Variants in PTPRT observed in about 807,000 individuals in gnomAD.
PTPRT encodes the protein protein tyrosine phosphatase receptor type T.
A neutral mutation model predicts 176.8 loss-of-function variants in PTPRT; 56 were observed. The observed-to-expected ratio is 0.32, with a 90% CI of 0.26 to 0.40. The LOEUF (loss-of-function observed/expected upper bound fraction) is 0.40, where lower values mean the gene tolerates loss of function less well. PTPRT is among the 10% of genes least tolerant of loss of function. The pLI, the probability that PTPRT is intolerant of heterozygous loss-of-function variation, is 1.00. For missense variants in PTPRT, 1,540 were observed against 1,908.2 expected (o/e 0.81, Z 3.60); for synonymous variants, 783 against 739.0 (o/e 1.06, Z -0.96).
chr20:42,728,317 C>T (rs1400441045), intron 6 of PTPRT, among the ~76,000 whole-genome samples: 1 of 152,176 alleles, frequency 6.6e-6, no homozygotes, highest in Non-Finnish European at 1.5e-5. Context: ...GGAGAATTTA[C>T]ATTTCTGATA....
chr20:42,160,417 A>T (rs1989539890), intron 17 of PTPRT, among the ~76,000 whole-genome samples: 1 of 152,092 alleles, frequency 6.6e-6, no homozygotes, highest in African/African-American at 2.4e-5. Flanking sequence ...TTTGTTTGTA[A>T]AACGTGAGGC....
chr20:42,697,487 G>T (rs4812631), intron 6 of PTPRT, among the ~76,000 whole-genome samples: 1 of 151,960 alleles, frequency 6.6e-6, no homozygotes, highest in African/African-American at 2.4e-5. Flanking sequence ...GAAGATAACC[G>T]GTAAGGAAAT....
At chr20:42,817,423 G>A (rs1007848607) in intron 2 of PTPRT, among the ~76,000 whole-genome samples, 1 of 144,128 alleles carries the variant, frequency 6.9e-6, no homozygotes, top group Non-Finnish European at 1.5e-5. Flanking sequence ...TAAAACTATA[G>A]AACAATCTCA....
intron 12 of PTPRT, among the ~76,000 whole-genome samples, chr20:42,292,109 C>T (rs963308374): frequency 6.6e-6 from 1 of 152,052 alleles, no homozygotes; most frequent in African/African-American, 2.4e-5. Flanking sequence ...AGAGCTCCCT[C>T]CCACCATCCC....
chr20:42,992,598 A>G (rs1341851724), intron 1 of PTPRT, among the ~76,000 whole-genome samples: 3 of 152,258 alleles, frequency 2.0e-5, no homozygotes, highest in African/African-American at 7.2e-5. Context: ...AAGATAGCTG[A>G]GCCAAAAAAG....
At chr20:42,306,385 G>A (rs117362519) in intron 12 of PTPRT, among the ~76,000 whole-genome samples, 1 of 152,318 alleles carries the variant, frequency 6.6e-6, no homozygotes, top group East Asian at 1.9e-4. Context: ...GGAGTCCACT[G>A]AGGACTGGGA....
intron 9 of PTPRT, among the ~76,000 whole-genome samples, chr20:42,437,679 A>G (rs1248066811): frequency 1.3e-5 from 2 of 152,174 alleles, no homozygotes; most frequent in Non-Finnish European, 2.9e-5. Flanking sequence ...AAAAGCAGTC[A>G]AAAGAAAAAA....
the PTPRT span, among the ~76,000 whole-genome samples, chr20:42,058,498 C>T: frequency 2.6e-5 from 4 of 152,194 alleles, no homozygotes; most frequent in Non-Finnish European, 5.9e-5. Flanking sequence ...CTCCAAGCCC[C>T]TCACCGGCTC....
At chr20:42,925,610 C>T (rs576097266) in intron 1 of PTPRT, among the ~76,000 whole-genome samples, 1 of 152,270 alleles carries the variant, frequency 6.6e-6, no homozygotes, top group East Asian at 1.9e-4. Context: ...TCCCATATTT[C>T]GGGTGTCATT....
intron 17 of PTPRT, among the ~76,000 whole-genome samples, chr20:42,150,845 C>T (rs1022943122): frequency 1.3e-5 from 2 of 152,000 alleles, no homozygotes; most frequent in African/African-American, 2.4e-5. Context: ...GGTGTTTAAA[C>T]GACTCTATTT....
rs189380213 is a variant in PTPRT at position 43,137,791 on chromosome 20, C to T, written c.88+51855G>A. ...ACTCAGACACACACACGCGCGTACA[C>T]ACACACATGCACACGCAAGCTGAGT... On this transcript the variant is annotated intron_variant, in intron 1 of 30. Coordinates refer to ENST00000373187, the MANE Select transcript of PTPRT (RefSeq NM_007050.6). 2.0e-5 allele frequency among the ~76,000 whole-genome samples: 3 copies of T among 152,330 alleles called. No homozygotes were observed. In the East Asian group the frequency reaches 5.8e-4, roughly 29 times the overall value.
intron 7 of PTPRT, among the ~76,000 whole-genome samples, chr20:42,478,360 G>A (rs561854408): frequency 6.6e-6 from 1 of 152,210 alleles, no homozygotes; most frequent in South Asian, 2.1e-4. Flanking sequence ...TGTGGCCTCA[G>A]GAAGGCACGG....
chr20:42,396,095 C>A (rs545853682), intron 9 of PTPRT, among the ~76,000 whole-genome samples: 11 of 152,314 alleles, frequency 7.2e-5, no homozygotes, highest in African/African-American at 2.6e-4. Flanking sequence ...AGGAATCCAT[C>A]TGAAACTTAA....
At position 42,621,024 on chromosome 20, in the gene PTPRT, A is replaced by C. The variant is rs1367209745; in HGVS notation, c.1153+56842T>G. 3.3e-5 allele frequency among the ~76,000 whole-genome samples: 5 copies of C among 152,182 alleles called. No homozygotes were observed. In the East Asian group the frequency reaches 7.7e-4, roughly 23 times the overall value. On this transcript the variant is annotated intron_variant, in intron 7 of 30. Coordinates refer to ENST00000373187, the MANE Select transcript of PTPRT (RefSeq NM_007050.6). ...ATGAGACCCATTCACTATCAGGAGA[A>C]CAGCATGGGAAAGACCCACCCCCAT...
intron 1 of PTPRT, 63 bp from the exon 2 acceptor site, chr20:42,885,995 G>A: frequency 7.1e-7 from 1 of 1,413,530 alleles, no homozygotes; most frequent in Non-Finnish European, 9.4e-7. Flanking sequence ...CGTTACCTCT[G>A]TCTCGTCGGC....
At chr20:42,635,982 T>C (rs1600519273) in intron 7 of PTPRT, among the ~76,000 whole-genome samples, 2 of 152,202 alleles carry the variant, frequency 1.3e-5, no homozygotes, top group Non-Finnish European at 2.9e-5. Flanking sequence ...GAGGACTCTT[T>C]CTTTGGCTTT....
At chr20:42,776,714 A>G (rs1165980044) in intron 4 of PTPRT, among the ~76,000 whole-genome samples, 2 of 149,532 alleles carry the variant, frequency 1.3e-5, no homozygotes, top group African/African-American at 4.9e-5. Context: ...ATAATTATAT[A>G]AGCATATCAT....
At chr20:43,073,093 G>A (rs76238266) in intron 1 of PTPRT, among the ~76,000 whole-genome samples, 2,764 of 152,238 alleles carry the variant, frequency 0.018, 52 homozygotes, top group East Asian at 0.076. Context: ...GGGTCAAAGA[G>A]GACTTGCTTA....
intron 7 of PTPRT, among the ~76,000 whole-genome samples, chr20:42,670,694 A>T (rs976303238): frequency 2.6e-5 from 4 of 152,216 alleles, no homozygotes; most frequent in Non-Finnish European, 1.5e-5. Context: ...ACTCCGCAAG[A>T]CTACAATGAA....
Sources: allele counts gnomAD v4.1 joint callset (sites outside exome capture counted in the v4.1 genomes callset), GRCh38; gene constraint gnomAD v4.1.1; transcripts MANE v1.5; gene names NCBI Gene and HGNC (gene_info 2026-07-23, HGNC 2026-07-21).